Variants in TIAM2 observed in about 807,000 individuals in gnomAD.
The protein encoded by TIAM2 is rho guanine nucleotide exchange factor TIAM2.
TIAM2 carries 80 observed loss-of-function variants against 152.9 expected under a neutral mutation model. The ratio of observed to expected loss-of-function variants is 0.52; its 90% CI spans 0.44 to 0.63. The LOEUF is 0.63. TIAM2 is among the 30% of genes least tolerant of loss of function. TIAM2 has a pLI of 0.00. For synonymous variants in TIAM2, 804 were observed against 838.0 expected, an observed-to-expected ratio of 0.96 and a Z score of 0.70; for missense variants, 1,965 against 2,120.1, an observed-to-expected ratio of 0.93 and a Z score of 1.44.
At chr6:155,103,301 C>T (rs1778588739) in intron 2 of TIAM2, among the ~76,000 whole-genome samples, 1 of 152,104 alleles carries the variant, frequency 6.6e-6, no homozygotes, top group African/African-American at 2.4e-5. Flanking sequence ...TGAAATCAGA[C>T]AATGCAAAAC....
intron 1 of TIAM2, among the ~76,000 whole-genome samples, chr6:155,000,529 C>A (rs201843520): frequency 0.015 from 1,444 of 97,326 alleles, no homozygotes; most frequent in East Asian, 0.029. Context: ...GAAACTGTTG[C>A]AAAAAAAAAA....
chr6:155,111,161 A>G (rs957668973), intron 2 of TIAM2, among the ~76,000 whole-genome samples: 1 of 152,190 alleles, frequency 6.6e-6, no homozygotes, highest in Non-Finnish European at 1.5e-5. Context: ...CACCCCTGGA[A>G]GGTGGAAAAA....
At chr6:155,061,864 G>A (rs1562304664) in intron 1 of TIAM2, among the ~76,000 whole-genome samples, 1 of 152,108 alleles carries the variant, frequency 6.6e-6, no homozygotes, top group Non-Finnish European at 1.5e-5. Context: ...ACTTTTTGTG[G>A]TGTACAGTTT....
intron 1 of TIAM2, among the ~76,000 whole-genome samples, chr6:155,023,054 TTTTTTTC>T (rs1467170743): frequency 7.7e-5 from 3 of 39,018 alleles, no homozygotes; most frequent in Admixed American, 2.8e-4. Context: ...TTTTTTTTTT[TTTTTTTC>T]CCTTGGCAAG....
intron 14 of TIAM2, among the ~76,000 whole-genome samples, chr6:155,197,803 C>T (rs1225746000): frequency 6.6e-6 from 1 of 152,120 alleles, no homozygotes; most frequent in Non-Finnish European, 1.5e-5. Context: ...ATGGAAGTAA[C>T]CATGCCCAAG....
chr6:155,029,508 AT>A (rs1776768607), intron 1 of TIAM2, among the ~76,000 whole-genome samples: 45 of 24,618 alleles, frequency 1.8e-3, no homozygotes, highest in Middle Eastern at 0.038. Flanking sequence ...TATATATAAT[AT>A]ATACTATATA....
intron 2 of TIAM2, among the ~76,000 whole-genome samples, chr6:155,098,693 C>T (rs1470603255): frequency 5.9e-5 from 9 of 152,170 alleles, no homozygotes; most frequent in East Asian, 5.8e-4. Context: ...TTCTTTCTCT[C>T]GCCTAATTGC....
chr6:155,030,881 A>G (rs1446274752), intron 1 of TIAM2, among the ~76,000 whole-genome samples: 1 of 152,164 alleles, frequency 6.6e-6, no homozygotes, highest in South Asian at 2.1e-4. Flanking sequence ...CAGGATCTCA[A>G]CTGTCTCTCG....
rs1275422426 is a variant in TIAM2, at chr6:155,114,050, C to CTTTTTT, written c.-117-13424_-117-13419dup. On this transcript the variant is annotated intron_variant, in intron 2 of 26. Transcript: ENST00000682666. Reference sequence around the variant, plus strand: ...TATATATATATATTTTTTTTTTTTTCTTTTTTTTTTTTTTTTTTTTTGAAA... The same window carrying CTTTTTT: ...TATATATATATATTTTTTTTTTTTTCTTTTTTTTTTTTTTTTTTTTTTTTTTTGAAA... Among the ~76,000 whole-genome samples, 38 of 58,238 alleles carry CTTTTTT rather than the reference C, an allele frequency of 6.5e-4. 1 individual carries two copies. Among genetic ancestry groups the CTTTTTT allele is most frequent in the Non-Finnish European group, 8.6e-4 (30 of 34,694 alleles). The allele number at this position is 58,238 out of a possible 152,430, so 38.2% of individuals were successfully genotyped here.
chr6:155,021,464 G>T (rs1776490874), intron 1 of TIAM2, among the ~76,000 whole-genome samples: 1 of 152,052 alleles, frequency 6.6e-6, no homozygotes, highest in East Asian at 1.9e-4. Context: ...GTTTCGCCAT[G>T]TTGGTCAGGC....
At chr6:155,036,144 G>A (rs2114898547) in intron 1 of TIAM2, among the ~76,000 whole-genome samples, 1 of 152,268 alleles carries the variant, frequency 6.6e-6, no homozygotes, top group South Asian at 2.1e-4. Context: ...TCCAGCAATT[G>A]TGTGTTAAAA....
intron 1 of TIAM2, among the ~76,000 whole-genome samples, chr6:155,085,945 G>T (rs1778163276): frequency 6.6e-6 from 1 of 152,204 alleles, no homozygotes; most frequent in African/African-American, 2.4e-5. Flanking sequence ...GGATCTCATA[G>T]ACTCACATAC....
At chr6:155,082,550 T>C (rs2114968348) in intron 1 of TIAM2, among the ~76,000 whole-genome samples, 1 of 151,964 alleles carries the variant, frequency 6.6e-6, no homozygotes, top group East Asian at 1.9e-4. Flanking sequence ...CTCGGGAGGC[T>C]AAGGCAGGAG....
chr6:155,189,947 G>T (rs1267918294), intron 14 of TIAM2, among the ~76,000 whole-genome samples: 1 of 152,118 alleles, frequency 6.6e-6, no homozygotes, highest in East Asian at 1.9e-4. Context: ...GGAGGGAAGG[G>T]CCTTTCACAT....
chr6:155,078,292 C>A (rs988665660), intron 1 of TIAM2, among the ~76,000 whole-genome samples: 12 of 152,128 alleles, frequency 7.9e-5, no homozygotes, highest in African/African-American at 2.7e-4. Context: ...GTGATCTGTC[C>A]GCCTAGGCCT....
intron 1 of TIAM2, among the ~76,000 whole-genome samples, chr6:155,044,478 A>G (rs1054977012): frequency 6.6e-6 from 1 of 151,846 alleles, no homozygotes; most frequent in African/African-American, 2.4e-5. Context: ...CTTCATGTAT[A>G]ATTTTTCTTC....
rs990585318 is a variant in TIAM2, at chr6:155,186,045, G to T, written c.3064+2545G>T. On this transcript the variant is annotated intron_variant, in intron 14 of 26. Coordinates refer to ENST00000682666, the MANE Select transcript of TIAM2 (RefSeq NM_012454.4). This position sits in a 1 kb window ranked among gnomAD's most constrained non-coding sequence, Gnocchi z 4.5. The stretch of plus-strand genomic sequence containing the variant: ...CAGAAGGAAGTCTTCCATTTTGAAG[G>T]TTGAGGGGAAAAGAAAATAAGGGTA... 6.6e-6 allele frequency among the ~76,000 whole-genome samples: 1 copy of T among 152,222 alleles called. No homozygotes were observed. Among genetic ancestry groups the T allele is most frequent in the Admixed American group, 6.5e-5 (1 of 15,280 alleles).
chr6:155,146,935 A>G (rs148681823), intron 6 of TIAM2, among the ~76,000 whole-genome samples: 1 of 152,008 alleles, frequency 6.6e-6, no homozygotes, highest in East Asian at 1.9e-4. Context: ...ATTATTTTTT[A>G]ATTGACATGG....
intron 15 of TIAM2, among the ~76,000 whole-genome samples, chr6:155,229,995 G>C (rs912330645): frequency 6.6e-6 from 1 of 151,966 alleles, no homozygotes; most frequent in Non-Finnish European, 1.5e-5. Context: ...TCCCTCCCAT[G>C]ACACATGGGA....
Sources: allele counts gnomAD v4.1 joint callset (sites outside exome capture counted in the v4.1 genomes callset), GRCh38; gene constraint gnomAD v4.1.1; non-coding constraint Gnocchi (gnomAD v3.1); transcripts MANE v1.5; gene names NCBI Gene and HGNC (gene_info 2026-07-23, HGNC 2026-07-21).